Variants in ARHGEF19 observed in about 807,000 individuals in gnomAD.
ARHGEF19 encodes Rho guanine nucleotide exchange factor (GEF) 19.
In ARHGEF19, 92 loss-of-function variants were observed where a neutral mutation model predicts 87.6. The ratio of observed to expected loss-of-function variants is 1.05; its 90% confidence interval spans 0.89 to 1.25. The LOEUF is 1.25. ARHGEF19 is among the 50% of genes most tolerant of loss of function. The probability of loss-of-function intolerance (pLI) is 0.00; values close to 1 mark genes in which losing one functional copy is unlikely to be tolerated. For synonymous variants in ARHGEF19, 438 were observed against 446.2 expected (o/e 0.98, Z 0.23); for missense variants, 1,054 against 1,051.8 (o/e 1.00, Z -0.03).
At position 16,198,489 on chromosome 1, in the gene ARHGEF19, G is replaced by C. The variant is rs1033269456; in HGVS notation, c.*98C>G. The C allele has an allele frequency of 2.8e-5, 40 of 1,424,260 alleles. No individual in the cohort carries two copies. Among genetic ancestry groups the C allele is most frequent in the Non-Finnish European group, 3.6e-5 (39 of 1,070,906 alleles). The allele number at this position is 1,424,260 out of a possible 1,614,324, so 88.2% of individuals were successfully genotyped here. A position where few individuals can be genotyped will look rare whatever the true frequency, so the allele number is the denominator to read the frequency against. The stretch of plus-strand genomic sequence containing the variant: ...AATGCCAAGGCCACAGAAGCGAAGT[G>C]CCAGCAGGAGCAGCTTGGGGAATGG... On this transcript the variant is annotated 3_prime_UTR_variant, in exon 16 of 16. Coordinates refer to ENST00000270747, the MANE Select transcript of ARHGEF19 (RefSeq NM_153213.5). The surrounding 1 kb of genome is among the most constrained non-coding windows in gnomAD (Gnocchi z 4.1).
chr1:16,199,669 C>T (rs1212849457), intron 14 of ARHGEF19, among the ~76,000 whole-genome samples: 2 of 151,064 alleles, frequency 1.3e-5, no homozygotes, highest in African/African-American at 4.9e-5. Flanking sequence ...GCCCATCCTT[C>T]CCAACTGGGA....
chr1:16,202,550 G>C lies in ARHGEF19; in HGVS notation c.1932C>G (p.Val644=). 6.2e-7 allele frequency: 1 copy of C among 1,613,866 alleles called. No individual in the cohort carries two copies. The change falls in exon 13 of 16, where the codon GTC becomes GTG. Residue 644 remains valine (V), a synonymous_variant. Coordinates refer to ENST00000270747, the MANE Select transcript of ARHGEF19 (RefSeq NM_153213.5). ...CCTGCAGCTCAGCCATCTTGGCATG[G>C]ACGAAAACGGCAAACTTCCCTAGCC... ...RKELGKFAVF[V]HAKMAELQVR... is the part of the protein sequence containing the mutation.
chr1:16,199,378 A>G (rs879862283), intron 14 of ARHGEF19, 124 bp from the exon 15 acceptor site: 20 of 755,646 alleles, frequency 2.6e-5, no homozygotes, highest in Non-Finnish European at 4.3e-5. Flanking sequence ...TGAGGCTTCT[A>G]TTCCTCTGCC....
chr1:16,209,116 G>A (rs1434448003), intron 1 of ARHGEF19, 33 bp from the exon 2 acceptor site: 1 of 1,381,260 alleles, frequency 7.2e-7, no homozygotes, highest in East Asian at 2.8e-5. Flanking sequence ...CCTAGACAGA[G>A]GACAGTGGGG....
Position 16,206,876 on chromosome 1 carries a change from G to T in ARHGEF19, c.1137+72C>A. The T allele has an allele frequency of 7.3e-7, 1 of 1,378,800 alleles. No homozygotes were observed. The highest frequency in any genetic ancestry group is 9.3e-7 in the Non-Finnish European group (1 of 1,073,642). 85.4% of individuals were successfully genotyped at this position (1,378,800 alleles called of 1,614,324 possible). On this transcript the variant is annotated intron_variant, in intron 6 of 15. Coordinates refer to ENST00000270747, the MANE Select transcript of ARHGEF19 (RefSeq NM_153213.5). The surrounding 1 kb of genome is among the most constrained non-coding windows in gnomAD (Gnocchi z 4.6). ...TGTGTCCCCCTCCCTCTATGGCCCG[G>T]TTCCCGCTAAGTCCCCGGACCGCGT...
chr1:16,203,037 G>A (rs2081096933), intron 12 of ARHGEF19, among the ~76,000 whole-genome samples: 1 of 152,002 alleles, frequency 6.6e-6, no homozygotes, highest in African/African-American at 2.4e-5. Flanking sequence ...GAGCCAACTG[G>A]ACAGCTCCCC....
intron 2 of ARHGEF19, among the ~76,000 whole-genome samples, chr1:16,208,437 A>G (rs1283242150): frequency 6.6e-6 from 1 of 152,214 alleles, no homozygotes; most frequent in Non-Finnish European, 1.5e-5. Context: ...CAGAGGGATC[A>G]GGCTGCCCAG....
In ARHGEF19 at chr1:16,207,728, C is replaced by T. The variant is rs753787421; in HGVS notation, c.744G>A (p.Arg248=). Reference sequence around the variant, plus strand: ...AGTCACCAGGGGCTGGCCGCGACACCCGGTCCCCGCTCATCTCTACACTTC... The same window carrying T: ...AGTCACCAGGGGCTGGCCGCGACACTCGGTCCCCGCTCATCTCTACACTTC... ...EARSVEMSGD[R]VSRPAPGDSR... The change falls in exon 4 of 16, where the codon CGG becomes CGA. Residue 248 remains arginine (R), a synonymous_variant. Coordinates refer to ENST00000270747, the MANE Select transcript of ARHGEF19 (RefSeq NM_153213.5). The surrounding 1 kb of genome is among the most constrained non-coding windows in gnomAD (Gnocchi z 4.0). 3.7e-6 allele frequency: 6 copies of T among 1,613,882 alleles called. No individual in the cohort carries two copies. Among genetic ancestry groups the T allele is most frequent in the Admixed American group, 1.7e-5 (1 of 60,000 alleles).
rs2081059964 is a variant in ARHGEF19, at chr1:16,198,695, G to A, written c.2301C>T (p.Pro767=). 1 of 1,612,850 alleles carries A rather than the reference G, an allele frequency of 6.2e-7. No homozygotes were observed. Among genetic ancestry groups the A allele is most frequent in the African/African-American group, 1.3e-5 (1 of 74,838 alleles). ...TGCTGATCTCTTCCACATAGGCCTG[G>A]GGCACCCACCCCTTCTCACCATCTG... The part of the protein sequence containing the change: ...RLADGEKGWV[P]QAYVEEISSL... Residue 767 remains proline, a synonymous_variant, in exon 16 of 16, where the codon CCC becomes CCT. Transcript: ENST00000270747. This position sits in a 1 kb window ranked among gnomAD's most constrained non-coding sequence, Gnocchi z 4.1.
intron 12 of ARHGEF19, among the ~76,000 whole-genome samples, chr1:16,203,040 A>G (rs2081096968): frequency 6.6e-6 from 1 of 152,038 alleles, no homozygotes; most frequent in Admixed American, 6.6e-5. Flanking sequence ...CCAACTGGAC[A>G]GCTCCCCTGA....
intron 1 of ARHGEF19, among the ~76,000 whole-genome samples, chr1:16,210,060 GC>G (rs2081185369): frequency 6.6e-6 from 1 of 152,236 alleles, no homozygotes; most frequent in Non-Finnish European, 1.5e-5. Flanking sequence ...ATCGGGGCAG[GC>G]CTGATGATCT....
In ARHGEF19 at chr1:16,207,505, A is replaced by T. The variant is rs763604385; in HGVS notation, c.874+17T>A. 14 of 1,611,866 alleles carry T rather than the reference A, an allele frequency of 8.7e-6. No homozygotes were observed. The African/African-American group carries it at 1.2e-4, about 14-fold the overall frequency. ...CTTCCTCCGTTACCTCCTCCCAGGG[A>T]CCCCCCTCCCACGTACAGTTAAGGA... On this transcript the variant is annotated intron_variant, in intron 5 of 15. Coordinates refer to ENST00000270747, the MANE Select transcript of ARHGEF19 (RefSeq NM_153213.5). This position sits in a 1 kb window ranked among gnomAD's most constrained non-coding sequence, Gnocchi z 4.0.
chr1:16,202,504 G>A lies in ARHGEF19; in HGVS notation c.1978C>T (p.Leu660=), dbSNP rs1223948146. 8 of 1,614,116 alleles carry A rather than the reference G, an allele frequency of 5.0e-6. No homozygotes were observed. The highest frequency in any genetic ancestry group is 4.0e-5 in the African/African-American group (3 of 74,960). The change falls in exon 13 of 16, where the codon CTG becomes TTG. Residue 660 remains leucine (L), a synonymous_variant. Transcript: ENST00000270747. ...ELQVRDLSLK[L]QGIPGHVFLL... is the part of the protein sequence containing the mutation. ...AACACGTGGCCGGGGATGCCCTGCA[G>A]CTTCAGGCTCAGGTCCCGCACCTGC...
intron 2 of ARHGEF19, 143 bp from the exon 3 acceptor site, chr1:16,208,368 C>T (rs775797910): frequency 9.2e-5 from 108 of 1,173,006 alleles, no homozygotes; most frequent in Non-Finnish European, 1.2e-4. Flanking sequence ...GCATCTGGTC[C>T]CCAGAGCCCT....
At position 16,206,020 on chromosome 1, in the gene ARHGEF19, C is replaced by G. The variant is rs951863527; in HGVS notation, c.1362G>C (p.Val454=). The G allele has an allele frequency of 1.3e-5, 20 of 1,599,904 alleles. No individual in the cohort carries two copies. The highest frequency in any genetic ancestry group is 1.6e-5 in the Non-Finnish European group (19 of 1,173,332). The change falls in exon 8 of 16, where the codon GTG becomes GTC. Residue 454 remains valine, a synonymous_variant. Transcript: ENST00000270747. This position sits in a 1 kb window ranked among gnomAD's most constrained non-coding sequence, Gnocchi z 4.6. ...GGAAGGCCGGGCAGTGGTCCAGCACCACGTCGCACACGCTGAAGCGCAGCA... is the reference window on the plus strand; with the variant it reads ...GGAAGGCCGGGCAGTGGTCCAGCACGACGTCGCACACGCTGAAGCGCAGCA... ...ADVLRFSVCD[V]VLDHCPAFRR... is the part of the protein sequence containing the mutation.
intron 1 of ARHGEF19, among the ~76,000 whole-genome samples, chr1:16,210,572 G>A (rs529058965): frequency 3.7e-4 from 56 of 152,354 alleles, no homozygotes; most frequent in African/African-American, 1.3e-3. Context: ...GACAATTTCA[G>A]GCCAACCAGA....
chr1:16,206,350 G>C lies in ARHGEF19; in HGVS notation c.1138-10C>G. On this transcript the variant is annotated splice_polypyrimidine_tract_variant and intron_variant, in intron 6 of 15. Transcript: ENST00000270747. This position sits in a 1 kb window ranked among gnomAD's most constrained non-coding sequence, Gnocchi z 4.6. ...TCAGCTCAAACTTGGCCTGAGGGAGGGCACACACGGGGTCGAAAGGGCAGG... is the reference window on the plus strand; with the variant it reads ...TCAGCTCAAACTTGGCCTGAGGGAGCGCACACACGGGGTCGAAAGGGCAGG... The C allele has an allele frequency of 6.4e-7, 1 of 1,573,000 alleles. No homozygotes were observed. Among genetic ancestry groups the C allele is most frequent in the South Asian group, 1.2e-5 (1 of 85,502 alleles).
chr1:16,205,702 G>A lies in ARHGEF19; in HGVS notation c.1452-35C>T. The A allele has an allele frequency of 6.3e-7, 1 of 1,575,694 alleles. No homozygotes were observed. Reference sequence around the variant, plus strand: ...GGGGAGGACTCTGGAATCACAGGTAGGCCTGAATTCCTGGGATCCACAACC... The same window carrying A: ...GGGGAGGACTCTGGAATCACAGGTAAGCCTGAATTCCTGGGATCCACAACC... On this transcript the variant is annotated intron_variant, in intron 8 of 15. Transcript: ENST00000270747. The surrounding 1 kb of genome is among the most constrained non-coding windows in gnomAD (Gnocchi z 5.8).
chr1:16,198,618 G>A lies in ARHGEF19; in HGVS notation c.2378C>T (p.Ala793Val). The A allele has an allele frequency of 1.2e-6, 2 of 1,612,906 alleles. No individual in the cohort carries two copies. Among genetic ancestry groups the A allele is most frequent in the Non-Finnish European group, 1.7e-6 (2 of 1,179,326 alleles). ...AGGAGCCTCCCCCAGTTTGCTGGTG[G>A]CACTTGTGACTCGCTTATTCTCCCG... ...NLRENKRVTS[A>V]TSKLGEAPV Residue 793 changes from alanine (A) to valine (V), a missense_variant, in exon 16 of 16, where the codon GCC (alanine) becomes GTC (valine). Ala to Val is a moderately conservative substitution (Grantham distance 64). Transcript: ENST00000270747. The surrounding 1 kb of genome is among the most constrained non-coding windows in gnomAD (Gnocchi z 4.1).
Sources: allele counts gnomAD v4.1 joint callset (sites outside exome capture counted in the v4.1 genomes callset), GRCh38; gene constraint gnomAD v4.1.1; non-coding constraint Gnocchi (gnomAD v3.1); transcripts MANE v1.5; gene names NCBI Gene and HGNC (gene_info 2026-07-23, HGNC 2026-07-21).